Variants in OSBPL6 observed in about 807,000 individuals in gnomAD.
OSBPL6 encodes the protein oxysterol binding protein like 6.
In OSBPL6, 49 loss-of-function variants were observed where a neutral mutation model predicts 125.8. The ratio of observed to expected loss-of-function variants is 0.39; its 90% confidence interval spans 0.31 to 0.49. The LOEUF (loss-of-function observed/expected upper bound fraction) is 0.49. Ranked by LOEUF, OSBPL6 falls within the 20% of genes least tolerant of loss-of-function variation. The pLI is 0.88. For synonymous variants in OSBPL6, 394 were observed against 391.8 expected (o/e 1.01, Z -0.07); for missense variants, 986 against 1,135.4 (o/e 0.87, Z 1.89).
intron 1 of OSBPL6, among the ~76,000 whole-genome samples, chr2:178,227,323 A>T (rs890791693): frequency 2.0e-5 from 3 of 152,258 alleles, no homozygotes; most frequent in African/African-American, 7.2e-5. Flanking sequence ...GCTAGGGCAA[A>T]TATGGATCCA....
At chr2:178,251,539 T>G (rs2091693814) in intron 1 of OSBPL6, among the ~76,000 whole-genome samples, 1 of 151,988 alleles carries the variant, frequency 6.6e-6, no homozygotes, top group Admixed American at 6.5e-5. Context: ...AGGGACAGTA[T>G]TCACCAAGAG....
intron 1 of OSBPL6, among the ~76,000 whole-genome samples, chr2:178,242,363 C>T (rs1453089098): frequency 6.6e-6 from 1 of 152,192 alleles, no homozygotes; most frequent in Non-Finnish European, 1.5e-5. Context: ...GAGCAGCCTA[C>T]TTTCCAGCAA....
chr2:178,314,994 A>T (rs1355539098), intron 3 of OSBPL6, among the ~76,000 whole-genome samples: 1 of 152,190 alleles, frequency 6.6e-6, no homozygotes, highest in African/African-American at 2.4e-5. Flanking sequence ...TTGAGCAATA[A>T]TAGTAATTTT....
At chr2:178,247,121 C>T (rs1234363383) in intron 1 of OSBPL6, among the ~76,000 whole-genome samples, 4 of 151,338 alleles carry the variant, frequency 2.6e-5, no homozygotes, top group Non-Finnish European at 4.4e-5. Context: ...TTCTGTATTC[C>T]TTATTAAATT....
intron 12 of OSBPL6, among the ~76,000 whole-genome samples, chr2:178,357,165 G>T (rs1691871949): frequency 6.6e-6 from 1 of 152,164 alleles, no homozygotes; most frequent in Admixed American, 6.5e-5. Context: ...TACTATTCAG[G>T]ACATAGGCAT....
At chr2:178,237,098 A>T (rs1284146784) in intron 1 of OSBPL6, among the ~76,000 whole-genome samples, 2 of 152,134 alleles carry the variant, frequency 1.3e-5, no homozygotes, top group African/African-American at 4.8e-5. Context: ...TTTTTGCGTA[A>T]GATATTCAGG....
chr2:178,390,648 G>A (rs932460662), intron 21 of OSBPL6, among the ~76,000 whole-genome samples: 2 of 152,190 alleles, frequency 1.3e-5, no homozygotes, highest in Non-Finnish European at 2.9e-5. Context: ...ATGGCTGGAA[G>A]GGCCACTTGA....
At position 178,328,259 on chromosome 2, in the gene OSBPL6, G is replaced by A. The variant is rs1184909786; in HGVS notation, c.199G>A (p.Ala67Thr). Reference sequence around the variant, plus strand: ...TGTTTTTCTTCTTTTCTCTCAGGAAGCTGACAGCTGGGAAATTATAGAAGG... The same window carrying A: ...TGTTTTTCTTCTTTTCTCTCAGGAAACTGACAGCTGGGAAATTATAGAAGG... ...EPEPVPLSKEADSWEIIEGLK... is the reference protein window; with the variant it reads ...EPEPVPLSKETDSWEIIEGLK... The change falls in exon 5 of 25, where the codon GCT becomes ACT. Residue 67 changes from alanine (A) to threonine (T), a missense_variant. Transcript: ENST00000190611. 2 of 1,613,524 alleles carry A rather than the reference G, an allele frequency of 1.2e-6. No homozygotes were observed.
chr2:178,279,474 G>A (rs907087376), intron 1 of OSBPL6, among the ~76,000 whole-genome samples: 5 of 152,230 alleles, frequency 3.3e-5, no homozygotes, highest in African/African-American at 9.6e-5. Flanking sequence ...ACTGGTTAGT[G>A]TGGGAAATTT....
rs1553556637 is a variant in OSBPL6 at position 178,328,190 on chromosome 2, A to G, written c.196-66A>G. The G allele has an allele frequency of 1.9e-6, 3 of 1,595,618 alleles. No homozygotes were observed. In the South Asian group the frequency reaches 3.4e-5, roughly 18 times the overall value. On this transcript the variant is annotated intron_variant, in intron 4 of 24. Coordinates refer to ENST00000190611, the MANE Select transcript of OSBPL6 (RefSeq NM_032523.4). ...GCTTCAAAAGCAACTTCTACTTAAG[A>G]ATCTGCTTTAAGTGTGTCATCAGGC...
chr2:178,384,782 G>A (rs1481092565), intron 18 of OSBPL6, among the ~76,000 whole-genome samples: 2 of 152,008 alleles, frequency 1.3e-5, no homozygotes, highest in African/African-American at 4.8e-5. Context: ...TACATTGCCA[G>A]GTTGAAATTC....
chr2:178,383,403 T>TTGA, intron 17 of OSBPL6, 126 bp downstream of exon 17: 1 of 1,358,708 alleles, frequency 7.4e-7, no homozygotes. Flanking sequence ...AAAAGAGGAA[T>TTGA]TGATCTGTTT....
intron 17 of OSBPL6, 130 bp from the exon 18 acceptor site, chr2:178,383,909 A>G: frequency 2.7e-6 from 3 of 1,109,038 alleles, no homozygotes; most frequent in Non-Finnish European, 2.6e-6. Flanking sequence ...TGTACAGACA[A>G]TAGAAAATGC....
chr2:178,389,950 G>A (rs1695259603), intron 21 of OSBPL6, among the ~76,000 whole-genome samples: 1 of 152,120 alleles, frequency 6.6e-6, no homozygotes, highest in Non-Finnish European at 1.5e-5. Context: ...TTAATTGAGT[G>A]TCTTTATTTT....
At chr2:178,350,086 A>G (rs1458946863) in intron 12 of OSBPL6, among the ~76,000 whole-genome samples, 1 of 152,240 alleles carries the variant, frequency 6.6e-6, no homozygotes, top group African/African-American at 2.4e-5. Flanking sequence ...TCAAAGCACC[A>G]TAGGCCAGCT....
At chr2:178,360,175 T>G (rs1027922965) in intron 12 of OSBPL6, among the ~76,000 whole-genome samples, 4 of 152,028 alleles carry the variant, frequency 2.6e-5, no homozygotes, top group African/African-American at 4.8e-5. Flanking sequence ...CAAGTATATA[T>G]AGAGAGAGAA....
At position 178,201,844 on chromosome 2, in the gene OSBPL6, C is replaced by T. The variant is rs552560368; in HGVS notation, c.-351+7170C>T. Reference sequence around the variant, plus strand: ...TTTGTTTTCAACCTGAGAAGTGTGCCTGACAGTGTTCCCATGACCATTCTT... The same window carrying T: ...TTTGTTTTCAACCTGAGAAGTGTGCTTGACAGTGTTCCCATGACCATTCTT... On this transcript the variant is annotated intron_variant, in intron 1 of 24. Transcript: ENST00000190611. Among the ~76,000 whole-genome samples the T allele has an allele frequency of 2.0e-5, 3 of 152,298 alleles. No individual in the cohort carries two copies. The South Asian group carries it at 6.2e-4, about 32-fold the overall frequency.
Position 178,361,791 on chromosome 2 carries a change from A to G in OSBPL6, c.1263A>G (p.Ala421=). Residue 421 remains alanine (A), a synonymous_variant, in exon 13 of 25, where the codon GCA becomes GCG. Coordinates refer to ENST00000190611, the MANE Select transcript of OSBPL6 (RefSeq NM_032523.4). ...DHSKGHSTQM[A]RLRQSLSQAL... Reference sequence around the variant, plus strand: ...GTAAAGGCCACAGCACGCAGATGGCACGGCTCCGACAGTCACTGTCTCAGG... The same window carrying G: ...GTAAAGGCCACAGCACGCAGATGGCGCGGCTCCGACAGTCACTGTCTCAGG... The G allele has an allele frequency of 1.9e-6, 3 of 1,614,148 alleles. No homozygotes were observed. The South Asian group carries it at 3.3e-5, about 18-fold the overall frequency.
intron 24 of OSBPL6, 98 bp downstream of exon 24, chr2:178,394,533 A>T: frequency 7.2e-7 from 1 of 1,398,552 alleles, no homozygotes; most frequent in East Asian, 2.4e-5. Context: ...GGGTAAATGG[A>T]TTTTGGTATC....
Sources: gnomAD v4.1 joint callset for allele counts (sites outside exome capture counted in the v4.1 genomes callset) on GRCh38, gnomAD v4.1.1 for gene constraint, MANE v1.5 for transcripts, NCBI Gene and HGNC (gene_info 2026-07-23, HGNC 2026-07-21) for gene names.